CHLSN: variants seen among roughly 807,000 people sequenced by gnomAD.
CHLSN encodes the protein protein cholesin.
the CHLSN span, among the ~76,000 whole-genome samples, chr7:1,066,091 T>C: frequency 1.3e-5 from 2 of 152,120 alleles, no homozygotes; most frequent in Non-Finnish European, 2.9e-5. Flanking sequence ...CTCGGTGAGT[T>C]CCCGCCACGG....
the CHLSN span, chr7:1,093,855 A>C: frequency 1.5e-5 from 5 of 333,326 alleles, no homozygotes; most frequent in Non-Finnish European, 3.1e-5. Context: ...GTGGGGTGGG[A>C]CGTGGGGTGG....
the CHLSN span, among the ~76,000 whole-genome samples, chr7:1,042,178 G>A: frequency 2.0e-5 from 3 of 151,898 alleles, no homozygotes; most frequent in East Asian, 5.8e-4. Flanking sequence ...CACAACCACA[G>A]AGGCACGGCC....
At chr7:998,067 A>G in the CHLSN span, among the ~76,000 whole-genome samples, 1 of 152,252 alleles carries the variant, frequency 6.6e-6, no homozygotes, top group African/African-American at 2.4e-5. Flanking sequence ...CATCGTAAAA[A>G]TCCTCAGAAA....
chr7:994,676 G>A, the CHLSN span, among the ~76,000 whole-genome samples: 1 of 152,134 alleles, frequency 6.6e-6, no homozygotes, highest in African/African-American at 2.4e-5. Context: ...CTGAGCTCAA[G>A]CGATCCTCCC....
At chr7:985,225 C>G in the CHLSN span, 7,630 of 1,554,272 alleles carry the variant, frequency 4.9e-3, 29 homozygotes, top group Non-Finnish European at 5.7e-3. Context: ...CTTCGCGCTC[C>G]TCTTCGGCCG....
At chr7:1,120,821 G>A in the CHLSN span, among the ~76,000 whole-genome samples, 4 of 144,424 alleles carry the variant, frequency 2.8e-5, no homozygotes, top group South Asian at 2.2e-4. Flanking sequence ...GACACGGGGC[G>A]TAGTGTGGCC....
chr7:1,104,743 T>C, the CHLSN span, among the ~76,000 whole-genome samples: 1 of 152,344 alleles, frequency 6.6e-6, no homozygotes, highest in East Asian at 1.9e-4. Context: ...TGCTCCATCC[T>C]GGGAAATCTG....
At chr7:1,054,699 T>C in the CHLSN span, among the ~76,000 whole-genome samples, 1 of 152,188 alleles carries the variant, frequency 6.6e-6, no homozygotes, top group Non-Finnish European at 1.5e-5. Flanking sequence ...GGCAAGAGGC[T>C]GGCCCCACGC....
At chr7:1,107,693 C>T in the CHLSN span, among the ~76,000 whole-genome samples, 1 of 152,266 alleles carries the variant, frequency 6.6e-6, no homozygotes, top group African/African-American at 2.4e-5. Context: ...GCAAGTTCTT[C>T]CCTGAATCCC....
chr7:988,262 C>A, the CHLSN span: 2 of 1,564,254 alleles, frequency 1.3e-6, no homozygotes, highest in Non-Finnish European at 1.7e-6. Flanking sequence ...CTCTGTGCCC[C>A]GGCTGCCCCC....
chr7:1,049,163 G>A, the CHLSN span, among the ~76,000 whole-genome samples: 1 of 152,252 alleles, frequency 6.6e-6, no homozygotes, highest in South Asian at 2.1e-4. Flanking sequence ...TGTGGGGTGT[G>A]ACGGGGCCCA....
At chr7:1,000,688 G>A in the CHLSN span, 15 of 686,558 alleles carry the variant, frequency 2.2e-5, no homozygotes, top group Non-Finnish European at 3.2e-5. Context: ...CTCATGTGAA[G>A]AGGGTTTTTG....
the CHLSN span, among the ~76,000 whole-genome samples, chr7:1,136,490 A>ATG: frequency 5.8e-4 from 70 of 120,928 alleles, 4 homozygotes; most frequent in African/African-American, 2.4e-3. Context: ...AAACATATAT[A>ATG]AACATATAAA....
chr7:1,106,694 T>C, the CHLSN span, among the ~76,000 whole-genome samples: 7 of 152,226 alleles, frequency 4.6e-5, no homozygotes, highest in African/African-American at 1.7e-4. Flanking sequence ...CAGGGCTTAC[T>C]GGCTGTGGGG....
chr7:1,015,564 TAAGA>T, the CHLSN span, among the ~76,000 whole-genome samples: 278 of 152,176 alleles, frequency 1.8e-3, 1 homozygote, highest in African/African-American at 6.5e-3. Flanking sequence ...AGCCTTCACC[TAAGA>T]AAGGAGGGCA....
chr7:1,116,211 G>C, the CHLSN span, among the ~76,000 whole-genome samples: 1 of 133,372 alleles, frequency 7.5e-6, no homozygotes, highest in African/African-American at 2.9e-5. Context: ...TCTAGGGACT[G>C]GCTTCCATCA....
At chr7:987,457 T>C in the CHLSN span, 1 of 1,573,892 alleles carries the variant, frequency 6.4e-7, no homozygotes, top group Non-Finnish European at 8.6e-7. Flanking sequence ...GGTGCAGCGG[T>C]TCATCACGCT....
chr7:1,091,205 G>A, the CHLSN span, among the ~76,000 whole-genome samples: 1 of 152,212 alleles, frequency 6.6e-6, no homozygotes, highest in Non-Finnish European at 1.5e-5. Flanking sequence ...CTGCAGGAAA[G>A]AAGGCCATGT....
chr7:1,037,499 A>G, the CHLSN span, among the ~76,000 whole-genome samples: 249 of 139,622 alleles, frequency 1.8e-3, 33 homozygotes, highest in Middle Eastern at 0.012. Context: ...CGCCAACCTC[A>G]GCCTCCCGAG....
Sources: allele counts gnomAD v4.1 joint callset (sites outside exome capture counted in the v4.1 genomes callset), GRCh38; gene constraint gnomAD v4.1.1; transcripts MANE v1.5; gene names NCBI Gene and HGNC (gene_info 2026-07-23, HGNC 2026-07-21).